TCF25: variants seen among roughly 807,000 people sequenced by gnomAD.
TCF25 encodes TCF25 ribosome quality control complex subunit.
TCF25 carries 41 observed loss-of-function variants against 83.1 expected under a neutral mutation model. The observed-to-expected ratio is 0.49, with a 90% CI of 0.38 to 0.64. The LOEUF is 0.64. Ranked by LOEUF, TCF25 falls within the 30% of genes least tolerant of loss-of-function variation. The pLI is 0.00. For missense variants in TCF25, 979 were observed against 914.5 expected (o/e 1.07, Z -0.91); for synonymous variants, 458 against 365.0 (o/e 1.25, Z -2.90).
At chr16:89,883,092 C>T (rs2042727870) in intron 1 of TCF25, among the ~76,000 whole-genome samples, 1 of 152,178 alleles carries the variant, frequency 6.6e-6, no homozygotes, top group Admixed American at 6.5e-5. Context: ...GTCTTCCTTA[C>T]CTCATCTCTG....
At chr16:89,910,506 A>C in intron 16 of TCF25, 85 bp from the exon 17 acceptor site, 1 of 1,422,422 alleles carries the variant, frequency 7.0e-7, no homozygotes, top group South Asian at 1.2e-5. Context: ...CGAGGGAGGC[A>C]GCTGGCAGGC....
At position 89,900,722 on chromosome 16, in the gene TCF25, G is replaced by A. The variant is rs2044253719; in HGVS notation, c.1309G>A (p.Glu437Lys). Residue 437 changes from glutamate to lysine, a missense_variant, in exon 12 of 18, where the codon GAG becomes AAG. Physicochemically the swap from Glu to Lys is moderately conservative, Grantham distance 56. Coordinates refer to ENST00000263346, the MANE Select transcript of TCF25 (RefSeq NM_014972.3). ...FLLSQQTDLP[E>K]CEQSSARQKA... ...GCTGAGCCAGCAGACAGACCTCCCTGAGTGTGAGCAGAGCTCTGCCAGGCA... is the reference window on the plus strand; with the variant it reads ...GCTGAGCCAGCAGACAGACCTCCCTAAGTGTGAGCAGAGCTCTGCCAGGCA... The A allele has an allele frequency of 6.2e-7, 1 of 1,605,432 alleles. No individual in the cohort carries two copies. The highest frequency in any genetic ancestry group is 8.5e-7 in the Non-Finnish European group (1 of 1,172,690).
rs910052415 is a variant in TCF25 at position 89,906,201 on chromosome 16, G to A, written c.1636G>A (p.Val546Met). The A allele has an allele frequency of 3.1e-6, 5 of 1,613,160 alleles. No individual in the cohort carries two copies. The Admixed American group carries it at 8.3e-5, about 27-fold the overall frequency. The change falls in exon 15 of 18, where the codon GTG (valine) becomes ATG (methionine). Residue 546 changes from valine (V) to methionine (M), a missense_variant. Coordinates refer to ENST00000263346, the MANE Select transcript of TCF25 (RefSeq NM_014972.3). ...GTTTCTCCCCGGCCCTAGGCGGAAGGTGCTCTACCAGCGTGCACCCAGGAA... is the reference window on the plus strand; with the variant it reads ...GTTTCTCCCCGGCCCTAGGCGGAAGATGCTCTACCAGCGTGCACCCAGGAA... ...AVEACENRRK[V>M]LYQRAPRNIH...
intron 1 of TCF25, among the ~76,000 whole-genome samples, chr16:89,881,387 T>C (rs1567697092): frequency 1.3e-5 from 2 of 152,182 alleles, no homozygotes; most frequent in South Asian, 2.1e-4. Flanking sequence ...GTGCATCCGA[T>C]TGGATCCATC....
intron 11 of TCF25, among the ~76,000 whole-genome samples, chr16:89,899,229 T>C (rs1202498691): frequency 6.6e-6 from 1 of 151,352 alleles, no homozygotes; most frequent in African/African-American, 2.4e-5. Flanking sequence ...AGCCGGGAGG[T>C]AGAAGGAGGG....
Position 89,900,804 on chromosome 16 carries a change from C to A in TCF25, c.1381+10C>A, listed in dbSNP as rs557870991. 99 of 1,561,518 alleles carry A rather than the reference C, an allele frequency of 6.3e-5. No homozygotes were observed. The East Asian group carries it at 1.8e-3, about 28-fold the overall frequency. On this transcript the variant is annotated intron_variant, in intron 12 of 17. Coordinates refer to ENST00000263346, the MANE Select transcript of TCF25 (RefSeq NM_014972.3). Reference sequence around the variant, plus strand: ...ACCATGTTCCCTGGAGGTGAGTGAGCGCTGTGTCTCGCCTGGGGTAGGGGT... The same window carrying A: ...ACCATGTTCCCTGGAGGTGAGTGAGAGCTGTGTCTCGCCTGGGGTAGGGGT...
rs577971805 is a variant in TCF25, at chr16:89,883,230, C to T, written c.193-121C>T. 2.7e-5 allele frequency: 36 copies of T among 1,310,172 alleles called. No homozygotes were observed. In the African/African-American group the frequency reaches 3.0e-4, roughly 11 times the overall value. The allele number at this position is 1,310,172 out of a possible 1,614,324, so 81.2% of individuals were successfully genotyped here. Reference sequence around the variant, plus strand: ...GGGTTCTTGCATCTTTCCCGTCCAGCGTCTCGCACTGACCCTGGGGGTCCC... The same window carrying T: ...GGGTTCTTGCATCTTTCCCGTCCAGTGTCTCGCACTGACCCTGGGGGTCCC... On this transcript the variant is annotated intron_variant, in intron 1 of 17. Transcript: ENST00000263346.
chr16:89,875,493 A>G (rs931103160), intron 1 of TCF25, among the ~76,000 whole-genome samples: 1 of 144,914 alleles, frequency 6.9e-6, no homozygotes, highest in Admixed American at 6.9e-5. Context: ...GTGTCTTCAC[A>G]TAGATATTCC....
chr16:89,899,728 C>CA (rs570020965), intron 11 of TCF25, among the ~76,000 whole-genome samples: 8,444 of 132,994 alleles, frequency 0.063, 560 homozygotes, highest in African/African-American at 0.17. Flanking sequence ...AACTCCGTCT[C>CA]AAAAAAAAAA....
At chr16:89,877,327 C>T (rs896136964) in intron 1 of TCF25, among the ~76,000 whole-genome samples, 3 of 151,996 alleles carry the variant, frequency 2.0e-5, no homozygotes, top group African/African-American at 7.3e-5. Context: ...CCTCAGCCTC[C>T]CAAGTAGGTG....
Position 89,892,281 on chromosome 16 carries a change from G to T in TCF25, c.697+6G>T, listed in dbSNP as rs374562268. 2 of 1,609,696 alleles carry T rather than the reference G, an allele frequency of 1.2e-6. No individual in the cohort carries two copies. Among genetic ancestry groups the T allele is most frequent in the Non-Finnish European group, 1.7e-6 (2 of 1,178,404 alleles). The stretch of plus-strand genomic sequence containing the variant: ...GCCCCGCTACAGCAAACCAGGTGAG[G>T]GTCTGCAGATGCTGCTGGGGATGGA... On this transcript the variant is annotated splice_donor_region_variant and intron_variant, in intron 6 of 17. Coordinates refer to ENST00000263346, the MANE Select transcript of TCF25 (RefSeq NM_014972.3).
rs551273439 is a variant in TCF25 at position 89,875,492 on chromosome 16, C to T, written c.192+1633C>T. On this transcript the variant is annotated intron_variant, in intron 1 of 17. Transcript: ENST00000263346. ...CATCCATCTCTCTAGAGTGTCTTCA[C>T]ATAGATATTCCCTGACGTGAGTTTT... Among the ~76,000 whole-genome samples, 6 of 144,640 alleles carry T rather than the reference C, an allele frequency of 4.1e-5. No homozygotes were observed. In the South Asian group the frequency reaches 1.1e-3, roughly 27 times the overall value. 94.9% of individuals were successfully genotyped at this position (144,640 alleles called of 152,430 possible).
At chr16:89,891,576 G>T (rs2043430597) in intron 5 of TCF25, among the ~76,000 whole-genome samples, 1 of 152,182 alleles carries the variant, frequency 6.6e-6, no homozygotes, top group South Asian at 2.1e-4. Context: ...GGGGGTCTCT[G>T]CCACAGGGGT....
chr16:89,904,993 C>G lies in TCF25; in HGVS notation c.1525C>G (p.Leu509Val), dbSNP rs371828320. 4.4e-6 allele frequency: 7 copies of G among 1,607,542 alleles called. No homozygotes were observed. The highest frequency in any genetic ancestry group is 1.7e-6 in the Non-Finnish European group (2 of 1,177,432). Residue 509 changes from leucine (L) to valine (V), a missense_variant, in exon 14 of 18, where the codon CTC becomes GTC. Physicochemically the swap from Leu to Val is conservative, Grantham distance 32 (BLOSUM62 1). Coordinates refer to ENST00000263346, the MANE Select transcript of TCF25 (RefSeq NM_014972.3). ...CCTGTACCTTGGGAGGTCACACTTT[C>G]TCTGGAAAGAGCCCGCCACCATGAG... Reference protein sequence around the residue: ...VNLYLGRSHFLWKEPATMSWL... With the variant: ...VNLYLGRSHFVWKEPATMSWL...
At chr16:89,904,911 C>T (rs1281700045) in intron 13 of TCF25, 27 bp from the exon 14 acceptor site, 1 of 1,591,788 alleles carries the variant, frequency 6.3e-7, no homozygotes. Context: ...AAGAGGGGTT[C>T]TGCTCAGAGC....
chr16:89,884,453 G>T, intron 2 of TCF25, 129 bp from the exon 3 acceptor site: 1 of 872,914 alleles, frequency 1.1e-6, no homozygotes. Context: ...TGAGTTGAAG[G>T]AACTTTTGGG....
At chr16:89,889,639 C>T (rs1323734735) in intron 5 of TCF25, 2 of 155,814 alleles carry the variant, frequency 1.3e-5, no homozygotes, top group African/African-American at 2.4e-5. Context: ...CAACCTCCGC[C>T]TCCCGGGTTC....
At chr16:89,908,662 C>T (rs199670339) in intron 16 of TCF25, among the ~76,000 whole-genome samples, 9 of 120,592 alleles carry the variant, frequency 7.5e-5, no homozygotes, top group African/African-American at 1.0e-4. Flanking sequence ...CACCTCCCAG[C>T]TCCCACCTCC....
At chr16:89,891,767 A>G (rs2043448308) in intron 5 of TCF25, among the ~76,000 whole-genome samples, 1 of 152,104 alleles carries the variant, frequency 6.6e-6, no homozygotes, top group African/African-American at 2.4e-5. Context: ...TCCTCTTGAG[A>G]CAGGGCCTTG....
Sources: allele counts gnomAD v4.1 joint callset (sites outside exome capture counted in the v4.1 genomes callset), GRCh38; gene constraint gnomAD v4.1.1; transcripts MANE v1.5; gene names NCBI Gene and HGNC (gene_info 2026-07-23, HGNC 2026-07-21).